Variants in ALDH7A1 observed in about 807,000 individuals in gnomAD.
ALDH7A1 encodes aldehyde dehydrogenase 7 family member A1.
A neutral mutation model predicts 79.9 loss-of-function variants in ALDH7A1; 63 were observed. That is an observed-to-expected ratio of 0.79 (90% CI 0.64 to 0.97). The LOEUF is 0.97. Ranked by LOEUF, ALDH7A1 falls within the 50% of genes least tolerant of loss-of-function variation. The pLI is 0.00. For missense variants in ALDH7A1, 627 were observed against 665.2 expected (o/e 0.94, Z 0.63); for synonymous variants, 240 against 231.2 (o/e 1.04, Z -0.34).
chr5:126,583,753 T>C (rs1264856376), intron 4 of ALDH7A1, among the ~76,000 whole-genome samples, 179 bp downstream of exon 4: 2 of 151,764 alleles, frequency 1.3e-5, no homozygotes, highest in Non-Finnish European at 2.9e-5. Flanking sequence ...GGCAGGGGAA[T>C]TGCTGGAACA....
intron 3 of ALDH7A1, among the ~76,000 whole-genome samples, chr5:126,590,478 G>A (rs1342698244): frequency 6.6e-6 from 1 of 152,180 alleles, no homozygotes; most frequent in Non-Finnish European, 1.5e-5. Flanking sequence ...AGAATCACTT[G>A]AACCCGAAAG....
chr5:126,570,110 G>A (rs1750723923), intron 8 of ALDH7A1: 2 of 152,446 alleles, frequency 1.3e-5, no homozygotes, highest in Admixed American at 1.3e-4. Context: ...CATAGAGACA[G>A]AAAATTCTTT....
intron 5 of ALDH7A1, among the ~76,000 whole-genome samples, chr5:126,579,145 C>A (rs1206424765): frequency 6.6e-6 from 1 of 152,228 alleles, no homozygotes; most frequent in African/African-American, 2.4e-5. Flanking sequence ...CAGACAAAAT[C>A]TCTTCCCGAG....
chr5:126,566,383 C>G (rs1369139284), intron 9 of ALDH7A1, among the ~76,000 whole-genome samples: 2 of 152,116 alleles, frequency 1.3e-5, no homozygotes, highest in African/African-American at 4.8e-5. Flanking sequence ...TTGGATTGTT[C>G]ATTGTTAATG....
At chr5:126,593,306 TAAAC>T (rs769245542) in intron 2 of ALDH7A1, 41 bp downstream of exon 2, 16 of 1,274,298 alleles carry the variant, frequency 1.3e-5, no homozygotes, top group Admixed American at 2.3e-5. Context: ...TAATTTGAAT[TAAAC>T]ACACACACAC....
At chr5:126,563,683 G>A (rs1241346677) in intron 9 of ALDH7A1, among the ~76,000 whole-genome samples, 1 of 152,112 alleles carries the variant, frequency 6.6e-6, no homozygotes, top group Non-Finnish European at 1.5e-5. Flanking sequence ...TAGAGACGGG[G>A]TTTTGCCATA....
At chr5:126,572,966 C>T (rs1479633384) in intron 7 of ALDH7A1, among the ~76,000 whole-genome samples, 1 of 152,190 alleles carries the variant, frequency 6.6e-6, no homozygotes, top group Non-Finnish European at 1.5e-5. Flanking sequence ...CTTTGTAGCA[C>T]TGCATCACCC....
chr5:126,557,246 T>C (rs983583167), intron 11 of ALDH7A1, among the ~76,000 whole-genome samples: 5 of 152,124 alleles, frequency 3.3e-5, no homozygotes, highest in African/African-American at 1.2e-4. Context: ...TGTGTAAAAA[T>C]AAAGATTTAT....
intron 6 of ALDH7A1, among the ~76,000 whole-genome samples, chr5:126,576,217 C>A: frequency 6.7e-6 from 1 of 148,582 alleles, no homozygotes. Flanking sequence ...GAGCCGAGAC[C>A]GCGCCCCTGC....
chr5:126,574,179 T>C (rs1286457167), intron 7 of ALDH7A1, among the ~76,000 whole-genome samples: 1 of 151,750 alleles, frequency 6.6e-6, no homozygotes, highest in Non-Finnish European at 1.5e-5. Context: ...GGCAGGCGGA[T>C]CACAAGGTCA....
intron 3 of ALDH7A1, among the ~76,000 whole-genome samples, chr5:126,591,247 G>A (rs1279031321): frequency 6.6e-6 from 1 of 152,132 alleles, no homozygotes; most frequent in Non-Finnish European, 1.5e-5. Flanking sequence ...CTAGCACACT[G>A]TTTACTTGTG....
chr5:126,548,299 ACAC>A (rs572412536), intron 16 of ALDH7A1, among the ~76,000 whole-genome samples: 2 of 152,142 alleles, frequency 1.3e-5, no homozygotes, highest in African/African-American at 4.8e-5. Context: ...CAAGTGTGTG[ACAC>A]CACAACTGGC....
intron 3 of ALDH7A1, among the ~76,000 whole-genome samples, chr5:126,585,755 G>C (rs1466003381): frequency 1.3e-5 from 2 of 152,036 alleles, no homozygotes; most frequent in Non-Finnish European, 2.9e-5. Context: ...CAGAGATGGG[G>C]TTTCACCATG....
chr5:126,579,392 C>T (rs1751093081), intron 5 of ALDH7A1, among the ~76,000 whole-genome samples: 1 of 152,204 alleles, frequency 6.6e-6, no homozygotes, highest in Non-Finnish European at 1.5e-5. Context: ...GGGATCCCAG[C>T]TATGTGCCCA....
intron 11 of ALDH7A1, among the ~76,000 whole-genome samples, chr5:126,558,276 A>AT (rs374483201): frequency 1.4e-4 from 21 of 152,068 alleles, no homozygotes; most frequent in African/African-American, 5.1e-4. Context: ...GTTGTAACAC[A>AT]TACTAAACTC....
At chr5:126,555,168 A>C (rs1214755059) in intron 12 of ALDH7A1, 1 of 153,652 alleles carries the variant, frequency 6.5e-6, no homozygotes, top group East Asian at 1.9e-4. Flanking sequence ...AAAAGAAGAA[A>C]TCAAGAGGAC....
intron 5 of ALDH7A1, 139 bp from the exon 6 acceptor site, chr5:126,577,350 C>A (rs1751012638): frequency 7.4e-6 from 8 of 1,078,080 alleles, no homozygotes; most frequent in Non-Finnish European, 8.3e-6. Flanking sequence ...CATGGGATAT[C>A]AGTACATTAA....
At chr5:126,571,858 AAAG>A (rs1264841294) in intron 7 of ALDH7A1, among the ~76,000 whole-genome samples, 3 of 152,294 alleles carry the variant, frequency 2.0e-5, no homozygotes, top group East Asian at 1.9e-4. Context: ...CACAGACACA[AAAG>A]AAGGAGCTGG....
Position 126,575,471 on chromosome 5 carries a change from A to T in ALDH7A1, c.651-7T>A, listed in dbSNP as rs1561662965. ...AGTGGTTGGAGCTCCTTTCCTTAAG[A>T]AGGTTAAAACAAAAAAAGAAAAAGA... On this transcript the variant is annotated splice_polypyrimidine_tract_variant and splice_region_variant and intron_variant, in intron 6 of 17. Coordinates refer to ENST00000409134, the MANE Select transcript of ALDH7A1 (RefSeq NM_001182.5). The T allele has an allele frequency of 3.1e-6, 5 of 1,611,236 alleles. No individual in the cohort carries two copies. The highest frequency in any genetic ancestry group is 4.2e-6 in the Non-Finnish European group (5 of 1,178,950).
Sources: allele counts gnomAD v4.1 joint callset (sites outside exome capture counted in the v4.1 genomes callset), GRCh38; gene constraint gnomAD v4.1.1; transcripts MANE v1.5; gene names NCBI Gene and HGNC (gene_info 2026-07-23, HGNC 2026-07-21).